Variants in PALM2AKAP2 observed in about 807,000 individuals in gnomAD.
PALM2AKAP2 encodes the protein PALM2-AKAP2 fusion protein.
PALM2AKAP2 carries 37 observed loss-of-function variants against 71.5 expected under a neutral mutation model. The observed-to-expected ratio is 0.52, with a 90% CI of 0.40 to 0.68. The LOEUF is 0.68. PALM2AKAP2 is among the 30% of genes least tolerant of loss of function. The pLI, the probability that PALM2AKAP2 is intolerant of heterozygous loss-of-function variation, is 0.00. For synonymous variants in PALM2AKAP2, 468 were observed against 478.8 expected (o/e 0.98, Z 0.29); for missense variants, 1,224 against 1,191.8 (o/e 1.03, Z -0.40).
rs193027170 is a variant in PALM2AKAP2 at position 109,851,895 on chromosome 9, C to T, written c.46-15596C>T. On this transcript the variant is annotated intron_variant, in intron 1 of 9. Coordinates refer to the PALM2AKAP2 transcript ENST00000302798. ...GTCACCTCTATTAGTGGGTAAAAAG[C>T]TGTGTGGTCTTTGTTCACTTCCTTA... 9.3e-4 allele frequency among the ~76,000 whole-genome samples: 141 copies of T among 152,192 alleles called. 2 individuals are homozygous for T. The East Asian group carries it at 0.025, about 27-fold the overall frequency.
chr9:110,105,170 G>T (rs944073832), intron 1 of PALM2AKAP2, among the ~76,000 whole-genome samples: 1 of 152,164 alleles, frequency 6.6e-6, no homozygotes, highest in Non-Finnish European at 1.5e-5. Context: ...TTACCTAGAG[G>T]CCAAATAAAT....
intron 6 of PALM2AKAP2, among the ~76,000 whole-genome samples, chr9:110,008,576 A>G (rs1165308467): frequency 6.6e-6 from 1 of 152,068 alleles, no homozygotes; most frequent in African/African-American, 2.4e-5. Context: ...TGGGACTTGG[A>G]GGTTGATGGG....
At chr9:110,079,347 T>A (rs1255909736) in intron 1 of PALM2AKAP2, among the ~76,000 whole-genome samples, 2 of 151,938 alleles carry the variant, frequency 1.3e-5, no homozygotes, top group African/African-American at 4.8e-5. Context: ...AATAAAAAAA[T>A]TAGCCAAGCA....
At chr9:109,886,785 T>C (rs1424814389) in intron 3 of PALM2AKAP2, among the ~76,000 whole-genome samples, 4 of 152,190 alleles carry the variant, frequency 2.6e-5, no homozygotes, top group East Asian at 3.8e-4. Flanking sequence ...GTTACTGTTA[T>C]AGAAGGAAGT....
At chr9:109,790,614 AAG>A in intron 1 of PALM2AKAP2, among the ~76,000 whole-genome samples, 1 of 152,142 alleles carries the variant, frequency 6.6e-6, no homozygotes, top group East Asian at 1.9e-4. Context: ...TCACATGAGA[AAG>A]AGAGAGGCCG....
chr9:110,053,540 AAAAAAAAAG>A (rs1833759530), intron 1 of PALM2AKAP2, among the ~76,000 whole-genome samples: 5 of 151,002 alleles, frequency 3.3e-5, no homozygotes, highest in South Asian at 2.1e-4. Context: ...AAAAAAAAAA[AAAAAAAAAG>A]AAAAAAAGAA....
At chr9:109,672,880 G>A (rs1827595033) in intron 1 of PALM2AKAP2, among the ~76,000 whole-genome samples, 1 of 151,670 alleles carries the variant, frequency 6.6e-6, no homozygotes, top group Admixed American at 6.6e-5. Flanking sequence ...ACATTTTCTA[G>A]TATAGGTGCA....
At chr9:109,863,302 C>A (rs1339047701) in intron 1 of PALM2AKAP2, among the ~76,000 whole-genome samples, 1 of 152,172 alleles carries the variant, frequency 6.6e-6, no homozygotes, top group Non-Finnish European at 1.5e-5. Context: ...GATGTGGAAA[C>A]TGGCCAGCAG....
At chr9:110,027,622 T>C (rs1012702131) in intron 7 of PALM2AKAP2, among the ~76,000 whole-genome samples, 2 of 152,210 alleles carry the variant, frequency 1.3e-5, no homozygotes, top group Non-Finnish European at 2.9e-5. Context: ...AAAGGGTACA[T>C]TTCTATTCAA....
chr9:109,725,943 A>G (rs998598803), intron 1 of PALM2AKAP2, among the ~76,000 whole-genome samples: 1 of 152,172 alleles, frequency 6.6e-6, no homozygotes, highest in African/African-American at 2.4e-5. Context: ...ATTTTTTGAC[A>G]TATTTCAATT....
chr9:110,138,943 C>G (rs1248841025), intron 2 of PALM2AKAP2, among the ~76,000 whole-genome samples: 2 of 152,166 alleles, frequency 1.3e-5, no homozygotes, highest in African/African-American at 2.4e-5. Flanking sequence ...CTAGTTAAAC[C>G]CATCTGATTT....
intron 1 of PALM2AKAP2, among the ~76,000 whole-genome samples, chr9:109,799,206 T>C (rs16914507): frequency 0.037 from 5,566 of 152,290 alleles, 325 homozygotes; most frequent in African/African-American, 0.13. Context: ...CAGGAAGTGA[T>C]GTGAAGCTCA....
chr9:109,831,468 A>G (rs1045814806), intron 1 of PALM2AKAP2, among the ~76,000 whole-genome samples: 5 of 152,210 alleles, frequency 3.3e-5, no homozygotes, highest in Non-Finnish European at 7.3e-5. Flanking sequence ...TGTTGTGTGG[A>G]TACCTATTCA....
chr9:109,800,307 G>A (rs1827387401), intron 1 of PALM2AKAP2, among the ~76,000 whole-genome samples: 1 of 152,164 alleles, frequency 6.6e-6, no homozygotes, highest in East Asian at 1.9e-4. Context: ...CTACTGTTAT[G>A]GTAAGTGTTT....
intron 1 of PALM2AKAP2, chr9:109,641,012 C>A: frequency 8.0e-7 from 1 of 1,251,878 alleles, no homozygotes; most frequent in South Asian, 1.7e-5. Flanking sequence ...GTTTCTATAG[C>A]AGCCGCCGCG....
Position 109,842,867 on chromosome 9 carries a change from TC to T in PALM2AKAP2, c.46-24623del, listed in dbSNP as rs1334392288. ...CCATCTCTACTAAAAATCAAACAGT[TC>T]GGTGGCTCACGCCTGTAATCCCAGC... On this transcript the variant is annotated intron_variant, in intron 1 of 9. Transcript: ENST00000302798. Among the ~76,000 whole-genome samples the T allele has an allele frequency of 4.0e-5, 6 of 151,636 alleles. No individual in the cohort carries two copies. The East Asian group carries it at 9.7e-4, about 25-fold the overall frequency.
At chr9:110,098,031 C>A (rs1017359607) in intron 1 of PALM2AKAP2, among the ~76,000 whole-genome samples, 1 of 144,608 alleles carries the variant, frequency 6.9e-6, no homozygotes, top group African/African-American at 2.7e-5. Flanking sequence ...CGTGGCGGCG[C>A]GTGCCTGCAA....
At chr9:109,897,397 T>G (rs1344076857) in intron 3 of PALM2AKAP2, among the ~76,000 whole-genome samples, 2 of 151,930 alleles carry the variant, frequency 1.3e-5, no homozygotes, top group Non-Finnish European at 2.9e-5. Context: ...CTGGCTAAGA[T>G]GGTGAAACCC....
chr9:109,732,465 T>A (rs1290688975), intron 1 of PALM2AKAP2, among the ~76,000 whole-genome samples: 3 of 152,212 alleles, frequency 2.0e-5, no homozygotes, highest in Non-Finnish European at 4.4e-5. Context: ...CACCTAAGAA[T>A]GGGTGGATGA....
Sources: allele counts gnomAD v4.1 joint callset (sites outside exome capture counted in the v4.1 genomes callset), GRCh38; gene constraint gnomAD v4.1.1; transcripts MANE v1.5; gene names NCBI Gene and HGNC (gene_info 2026-07-23, HGNC 2026-07-21).